PCNX2: variants seen among roughly 807,000 people sequenced by gnomAD.
The protein encoded by PCNX2 is pecanex 2, also known as pecanex-like protein 2.
Under a neutral mutation model 223.8 loss-of-function variants are expected in PCNX2, and 168 were observed. The ratio of observed to expected loss-of-function variants is 0.75; its 90% confidence interval spans 0.66 to 0.85. The LOEUF (loss-of-function observed/expected upper bound fraction) is 0.85. Among genes scored for constraint, PCNX2 ranks in the 40% least tolerant of loss-of-function variants. The pLI is 0.00. For synonymous variants in PCNX2, 1,006 were observed against 1,052.6 expected, an observed-to-expected ratio of 0.96 and a Z score of 0.86; for missense variants, 2,507 against 2,675.5, an observed-to-expected ratio of 0.94 and a Z score of 1.39.
chr1:233,261,477 G>C (rs1572169089), intron 3 of PCNX2, 156 bp from the exon 4 acceptor site: 1 of 178,068 alleles, frequency 5.6e-6, no homozygotes, highest in Admixed American at 6.5e-5. Flanking sequence ...TATAAAATGG[G>C]GCCCAGAATG....
intron 19 of PCNX2, among the ~76,000 whole-genome samples, chr1:233,148,913 T>G (rs1369711711): frequency 6.6e-6 from 1 of 152,204 alleles, no homozygotes; most frequent in East Asian, 1.9e-4. Context: ...AGTCCAGAAT[T>G]CTGATTCCTC....
chr1:233,023,853 G>A (rs2102831231), intron 26 of PCNX2, among the ~76,000 whole-genome samples: 1 of 152,272 alleles, frequency 6.6e-6, no homozygotes, highest in East Asian at 1.9e-4. Context: ...ATCACCTAGG[G>A]GATGAGATCT....
chr1:233,061,319 G>C (rs1672397041), intron 23 of PCNX2, among the ~76,000 whole-genome samples: 1 of 152,182 alleles, frequency 6.6e-6, no homozygotes, highest in South Asian at 2.1e-4. Context: ...AGCTAGGTTT[G>C]TTTTTCTGCC....
At position 233,161,002 on chromosome 1, in the gene PCNX2, G is replaced by A. The variant is rs190413485; in HGVS notation, c.3366+269C>T. Among the ~76,000 whole-genome samples, 3 of 152,296 alleles carry A rather than the reference G, an allele frequency of 2.0e-5. No homozygotes were observed. In the East Asian group the frequency reaches 5.8e-4, roughly 29 times the overall value. On this transcript the variant is annotated intron_variant, in intron 18 of 33. Coordinates refer to ENST00000258229, the MANE Select transcript of PCNX2 (RefSeq NM_014801.4). ...ACTGTCCTCACAGTGGATTCCACAA[G>A]ATGTGCCATCATTCTTGCAAACAAA...
intron 19 of PCNX2, among the ~76,000 whole-genome samples, chr1:233,150,612 G>A (rs1469439924): frequency 2.0e-5 from 3 of 151,990 alleles, no homozygotes; most frequent in Non-Finnish European, 4.4e-5. Flanking sequence ...ACATTTTCTT[G>A]CAGTGCTATT....
At chr1:233,305,325 T>C in the PCNX2 span, among the ~76,000 whole-genome samples, 6 of 152,240 alleles carry the variant, frequency 3.9e-5, no homozygotes, top group South Asian at 2.1e-4. Flanking sequence ...AAAATGGAGT[T>C]ATATTGTTAG....
rs180725509 is a variant in PCNX2 at position 233,239,720 on chromosome 1, C to A, written c.2223-2740G>T. Among the ~76,000 whole-genome samples the A allele has an allele frequency of 4.5e-3, 687 of 152,302 alleles. 4 individuals are homozygous for A. The highest frequency in any genetic ancestry group is 6.8e-3 in the Non-Finnish European group (463 of 68,020). Reference sequence around the variant, plus strand: ...CATATATTATGTACTTCATAACCATCCCTGGCCCTTTTTACTTCCTTTTGT... The same window carrying A: ...CATATATTATGTACTTCATAACCATACCTGGCCCTTTTTACTTCCTTTTGT... On this transcript the variant is annotated intron_variant, in intron 8 of 33. Coordinates refer to ENST00000258229, the MANE Select transcript of PCNX2 (RefSeq NM_014801.4).
chr1:233,167,165 G>A (rs781121491), intron 17 of PCNX2, among the ~76,000 whole-genome samples: 6 of 152,016 alleles, frequency 3.9e-5, no homozygotes, highest in Non-Finnish European at 5.9e-5. Context: ...GATAAATAAT[G>A]GATAAAGAAA....
At chr1:233,313,146 A>G in the PCNX2 span, among the ~76,000 whole-genome samples, 144 of 152,336 alleles carry the variant, frequency 9.5e-4, no homozygotes, top group Middle Eastern at 3.4e-3. Flanking sequence ...ATGAAATTAG[A>G]AAACAGGCAA....
chr1:233,120,181 A>G (rs1031152155), intron 21 of PCNX2, among the ~76,000 whole-genome samples: 15 of 144,614 alleles, frequency 1.0e-4, no homozygotes, highest in Non-Finnish European at 1.5e-4. Flanking sequence ...AAAAAAAAAA[A>G]AAAGAAATAA....
intron 17 of PCNX2, among the ~76,000 whole-genome samples, chr1:233,165,317 G>A (rs552542800): frequency 4.1e-4 from 62 of 152,220 alleles, no homozygotes; most frequent in African/African-American, 1.4e-3. Context: ...GCCTCCTAGG[G>A]CACATTTTGC....
chr1:233,224,361 G>A (rs1657570136), intron 10 of PCNX2, among the ~76,000 whole-genome samples: 1 of 152,196 alleles, frequency 6.6e-6, no homozygotes, highest in Non-Finnish European at 1.5e-5. Context: ...AACTGCAACG[G>A]CAGGAACCAT....
At chr1:233,194,068 T>TAA (rs60627703) in intron 15 of PCNX2, among the ~76,000 whole-genome samples, 3 of 131,890 alleles carry the variant, frequency 2.3e-5, no homozygotes, top group Non-Finnish European at 3.4e-5. Flanking sequence ...CTAAGTAAAA[T>TAA]AAAAAAAAAA....
intron 23 of PCNX2, among the ~76,000 whole-genome samples, chr1:233,070,120 C>A (rs991799013): frequency 6.6e-6 from 1 of 152,012 alleles, no homozygotes; most frequent in Non-Finnish European, 1.5e-5. Context: ...ATGAAATGGA[C>A]CAGTTCCTCA....
At chr1:233,024,727 G>A (rs1671022394) in intron 26 of PCNX2, among the ~76,000 whole-genome samples, 1 of 152,208 alleles carries the variant, frequency 6.6e-6, no homozygotes, top group South Asian at 2.1e-4. Context: ...TACATTTTGA[G>A]TTCTCCTTAT....
intron 21 of PCNX2, among the ~76,000 whole-genome samples, chr1:233,130,782 AC>A (rs535216587): frequency 2.9e-4 from 41 of 142,054 alleles, no homozygotes; most frequent in Middle Eastern, 3.6e-3. Flanking sequence ...TGTGCCCGGC[AC>A]CCCCCCCTTT....
rs1677932070 is a variant in PCNX2 at position 233,153,345 on chromosome 1, C to T, written c.3517+6938G>A. ...CCAGGAGGGAGTCAGGGAGGGAGGA[C>T]GGAGCTAATAGATTATGTGACAGAT... On this transcript the variant is annotated intron_variant, in intron 19 of 33. Transcript: ENST00000258229. 2.0e-5 allele frequency among the ~76,000 whole-genome samples: 3 copies of T among 152,102 alleles called. No homozygotes were observed. In the South Asian group the frequency reaches 6.2e-4, roughly 32 times the overall value.
At chr1:233,077,709 T>C (rs546738414) in intron 23 of PCNX2, among the ~76,000 whole-genome samples, 1 of 152,276 alleles carries the variant, frequency 6.6e-6, no homozygotes, top group Non-Finnish European at 1.5e-5. Flanking sequence ...TACTAAGATA[T>C]TACAAAATAT....
chr1:233,200,019 T>A, intron 14 of PCNX2, 135 bp downstream of exon 14: 1 of 694,468 alleles, frequency 1.4e-6, no homozygotes, highest in Non-Finnish European at 2.3e-6. Flanking sequence ...TCACCCAGAC[T>A]GATCCAAACT....
Sources: gnomAD v4.1 joint callset for allele counts (sites outside exome capture counted in the v4.1 genomes callset) on GRCh38, gnomAD v4.1.1 for gene constraint, MANE v1.5 for transcripts, NCBI Gene and HGNC (gene_info 2026-07-23, HGNC 2026-07-21) for gene names.